MAP6: variants seen among roughly 807,000 people sequenced by gnomAD.
MAP6 encodes microtubule-associated protein 6.
A neutral mutation model predicts 42.4 loss-of-function variants in MAP6; 26 were observed. That is an observed-to-expected ratio of 0.61 (90% CI 0.45 to 0.85). The LOEUF is 0.85. MAP6 is among the 40% of genes least tolerant of loss of function. The probability of loss-of-function intolerance (pLI) is 0.00; values close to 1 mark genes in which losing one functional copy is unlikely to be tolerated. For missense variants in MAP6, 966 were observed against 1,099.0 expected (o/e 0.88, Z 1.71); for synonymous variants, 418 against 443.8 (o/e 0.94, Z 0.73).
chr11:75,592,649 T>C (rs912989968), intron 3 of MAP6, among the ~76,000 whole-genome samples: 1 of 151,998 alleles, frequency 6.6e-6, no homozygotes, highest in African/African-American at 2.4e-5. Flanking sequence ...CCCTGTTCCA[T>C]GTATTCTTGC....
intron 3 of MAP6, among the ~76,000 whole-genome samples, chr11:75,595,852 C>CCTCCT (rs1253209534): frequency 6.6e-6 from 1 of 151,924 alleles, no homozygotes; most frequent in Non-Finnish European, 1.5e-5. Context: ...CTCTCCCTCC[C>CCTCCT]CTCCTCTCCT....
chr11:75,610,524 G>T (rs1942877944), intron 1 of MAP6, among the ~76,000 whole-genome samples: 1 of 152,240 alleles, frequency 6.6e-6, no homozygotes, highest in African/African-American at 2.4e-5. Context: ...AGTGGGGAAG[G>T]GCATAAGAGG....
chr11:75,665,399 T>C (rs187967753), intron 1 of MAP6, among the ~76,000 whole-genome samples: 202 of 152,334 alleles, frequency 1.3e-3, no homozygotes, highest in African/African-American at 4.4e-3. Context: ...CTTGAAATCA[T>C]AAACTGAGTA....
At chr11:75,628,394 A>C (rs1183942563) in intron 1 of MAP6, among the ~76,000 whole-genome samples, 1 of 152,222 alleles carries the variant, frequency 6.6e-6, no homozygotes, top group Non-Finnish European at 1.5e-5. Context: ...CCCGCAAGAC[A>C]AAGATCCCAG....
chr11:75,598,680 T>TTCAC (rs771588579), intron 3 of MAP6, among the ~76,000 whole-genome samples: 1 of 152,230 alleles, frequency 6.6e-6, no homozygotes, highest in Non-Finnish European at 1.5e-5. Flanking sequence ...TCATCATTCA[T>TTCAC]TCACTCACTC....
At chr11:75,593,770 C>T (rs748018609) in intron 3 of MAP6, among the ~76,000 whole-genome samples, 1 of 152,200 alleles carries the variant, frequency 6.6e-6, no homozygotes, top group Non-Finnish European at 1.5e-5. Flanking sequence ...AACTATGGGC[C>T]AGGCTTGGTG....
At chr11:75,630,311 C>G (rs934964437) in intron 1 of MAP6, among the ~76,000 whole-genome samples, 3 of 152,106 alleles carry the variant, frequency 2.0e-5, no homozygotes, top group Admixed American at 6.5e-5. Flanking sequence ...CTCTCTTTTT[C>G]TATTTTTTGG....
At chr11:75,640,955 A>G (rs1943458228) in intron 1 of MAP6, among the ~76,000 whole-genome samples, 1 of 152,124 alleles carries the variant, frequency 6.6e-6, no homozygotes, top group Non-Finnish European at 1.5e-5. Flanking sequence ...AACTAGAAAT[A>G]CCATTTGACC....
chr11:75,632,825 T>TA (rs1943305443), intron 1 of MAP6, among the ~76,000 whole-genome samples: 1 of 152,098 alleles, frequency 6.6e-6, no homozygotes, highest in Admixed American at 6.6e-5. Context: ...CAGACAATCA[T>TA]AGAGATAATT....
intron 1 of MAP6, among the ~76,000 whole-genome samples, chr11:75,638,205 C>G (rs76145716): frequency 0.018 from 2,741 of 152,294 alleles, 86 homozygotes; most frequent in East Asian, 0.094. Flanking sequence ...ATCCTGGTGG[C>G]TGTTACCACT....
At position 75,656,109 on chromosome 11, in the gene MAP6, A is replaced by G. The variant is rs550870469; in HGVS notation, c.905+11356T>C. Among the ~76,000 whole-genome samples, 4 of 152,346 alleles carry G rather than the reference A, an allele frequency of 2.6e-5. No individual in the cohort carries two copies. The South Asian group carries it at 8.3e-4, about 32-fold the overall frequency. ...TTTTGCCTAATTATTATGGTTTAAT[A>G]CGGAACAATCCTTAAGGGCTAGGAG... On this transcript the variant is annotated intron_variant, in intron 1 of 3. Transcript: ENST00000304771.
chr11:75,626,808 T>A (rs1943205556), intron 1 of MAP6, among the ~76,000 whole-genome samples: 1 of 152,072 alleles, frequency 6.6e-6, no homozygotes, highest in South Asian at 2.1e-4. Context: ...GAGACTACGA[T>A]CCAGGCCCTG....
intron 1 of MAP6, among the ~76,000 whole-genome samples, chr11:75,613,771 A>G (rs1942948105): frequency 6.6e-6 from 1 of 151,728 alleles, no homozygotes; most frequent in East Asian, 1.9e-4. Flanking sequence ...GGTTTAAATG[A>G]CTCTTTGATG....
intron 3 of MAP6, among the ~76,000 whole-genome samples, chr11:75,597,937 G>A (rs1486970061): frequency 2.0e-5 from 3 of 152,216 alleles, no homozygotes; most frequent in African/African-American, 7.2e-5. Context: ...CTGGGAAGCT[G>A]TGGTCAGCAA....
At chr11:75,619,407 T>C (rs1440079479) in intron 1 of MAP6, among the ~76,000 whole-genome samples, 3 of 152,322 alleles carry the variant, frequency 2.0e-5, no homozygotes, top group Non-Finnish European at 2.9e-5. Flanking sequence ...CAAGGGTACA[T>C]GTACAGTTTG....
chr11:75,593,047 C>G lies in MAP6; in HGVS notation c.1317-4863G>C, dbSNP rs144368936. 8.5e-5 allele frequency among the ~76,000 whole-genome samples: 13 copies of G among 152,370 alleles called. No homozygotes were observed. The East Asian group carries it at 2.5e-3, about 29-fold the overall frequency. On this transcript the variant is annotated intron_variant, in intron 3 of 3. Transcript: ENST00000304771. ...CCCTGGGAAGGCTTCCCTGACCCCA[C>G]AGTCATGGCCAGCCCCCTGCTACAG...
intron 1 of MAP6, among the ~76,000 whole-genome samples, chr11:75,657,110 ATTTT>A (rs60988687): frequency 0.02 from 2,451 of 123,286 alleles, 68 homozygotes; most frequent in African/African-American, 0.068. Context: ...TGGAGACACT[ATTTT>A]TTTTTTTTTT....
chr11:75,628,033 T>C (rs1289972228), intron 1 of MAP6, among the ~76,000 whole-genome samples: 1 of 152,098 alleles, frequency 6.6e-6, no homozygotes, highest in East Asian at 1.9e-4. Context: ...GACACCCGGA[T>C]CTCAGGGGCT....
intron 1 of MAP6, among the ~76,000 whole-genome samples, chr11:75,608,843 C>T (rs961352857): frequency 3.3e-5 from 5 of 152,154 alleles, no homozygotes; most frequent in East Asian, 1.9e-4. Context: ...GAGGATAATT[C>T]CCCCATTTGA....
Sources: gnomAD v4.1 joint callset for allele counts (sites outside exome capture counted in the v4.1 genomes callset) on GRCh38, gnomAD v4.1.1 for gene constraint, MANE v1.5 for transcripts, NCBI Gene and HGNC (gene_info 2026-07-23, HGNC 2026-07-21) for gene names.